Variants in CACNG4 observed in about 807,000 individuals in gnomAD.
CACNG4 encodes calcium voltage-gated channel auxiliary subunit gamma 4, also known as voltage-dependent calcium channel gamma-4 subunit.
In CACNG4, 8 loss-of-function variants were observed where a neutral mutation model predicts 22.9. The ratio of observed to expected loss-of-function variants is 0.35; its 90% CI spans 0.21 to 0.63. The LOEUF (loss-of-function observed/expected upper bound fraction) is 0.63, where lower values mean the gene tolerates loss of function less well. Ranked by LOEUF, CACNG4 falls within the 30% of genes least tolerant of loss-of-function variation. The pLI, the probability that CACNG4 is intolerant of heterozygous loss-of-function variation, is 0.72. For missense variants in CACNG4, 357 were observed against 455.4 expected, an observed-to-expected ratio of 0.78 and a Z score of 1.97; for synonymous variants, 188 against 191.9, an observed-to-expected ratio of 0.98 and a Z score of 0.17.
At chr17:67,009,365 CCT>C (rs150298497) in intron 1 of CACNG4, among the ~76,000 whole-genome samples, 14,646 of 152,166 alleles carry the variant, frequency 0.096, 1,257 homozygotes, top group East Asian at 0.23. Context: ...GCCTCCAGTC[CCT>C]CTTCTGAAAC....
intron 1 of CACNG4, among the ~76,000 whole-genome samples, chr17:66,974,057 T>C (rs1188964890): frequency 2.0e-5 from 3 of 152,186 alleles, no homozygotes; most frequent in African/African-American, 7.2e-5. Flanking sequence ...TTCTTCCCCC[T>C]TCAACCATAA....
chr17:67,028,800 C>T (rs989079025), intron 3 of CACNG4, among the ~76,000 whole-genome samples: 1 of 152,186 alleles, frequency 6.6e-6, no homozygotes, highest in Non-Finnish European at 1.5e-5. Context: ...CAAACCCCAC[C>T]AGTGTGGCTC....
At chr17:66,974,207 G>A (rs563793620) in intron 1 of CACNG4, among the ~76,000 whole-genome samples, 24 of 152,332 alleles carry the variant, frequency 1.6e-4, no homozygotes, top group African/African-American at 5.8e-4. Flanking sequence ...GGCCGAGGCA[G>A]GCCACAGCTT....
chr17:67,022,192 A>G (rs1320187154), intron 2 of CACNG4, among the ~76,000 whole-genome samples: 1 of 151,054 alleles, frequency 6.6e-6, no homozygotes, highest in Non-Finnish European at 1.5e-5. Flanking sequence ...CTTGTGCCTC[A>G]GCCTCCTGAA....
At chr17:67,001,465 C>T (rs1439700831) in intron 1 of CACNG4, among the ~76,000 whole-genome samples, 6 of 152,126 alleles carry the variant, frequency 3.9e-5, no homozygotes, top group African/African-American at 9.7e-5. Flanking sequence ...CTGCCGTAGC[C>T]GCTGCATCTT....
At chr17:66,970,626 G>C (rs999553336) in intron 1 of CACNG4, among the ~76,000 whole-genome samples, 1 of 152,156 alleles carries the variant, frequency 6.6e-6, no homozygotes, top group Non-Finnish European at 1.5e-5. Flanking sequence ...TGGAGAGAGA[G>C]GGCACCAGTT....
At chr17:66,999,043 G>A (rs191248522) in intron 1 of CACNG4, among the ~76,000 whole-genome samples, 19 of 152,286 alleles carry the variant, frequency 1.2e-4, no homozygotes, top group Admixed American at 9.8e-4. Context: ...GGCTCTGAAG[G>A]ATGATGGCTT....
chr17:67,021,465 G>A (rs565835560), intron 2 of CACNG4, among the ~76,000 whole-genome samples: 34 of 152,334 alleles, frequency 2.2e-4, no homozygotes, highest in African/African-American at 7.7e-4. Flanking sequence ...AAGGAACTCC[G>A]CCCCGAGCCA....
At chr17:66,977,140 C>T (rs1000666683) in intron 1 of CACNG4, among the ~76,000 whole-genome samples, 5 of 152,200 alleles carry the variant, frequency 3.3e-5, no homozygotes, top group Non-Finnish European at 7.3e-5. Flanking sequence ...CCTGGATGCC[C>T]GCTGTAGAGT....
At chr17:67,001,141 A>G (rs1186164181) in intron 1 of CACNG4, among the ~76,000 whole-genome samples, 3 of 152,094 alleles carry the variant, frequency 2.0e-5, no homozygotes, top group Non-Finnish European at 4.4e-5. Context: ...GTTCCCCTGC[A>G]CACACTCTCT....
At chr17:66,987,054 A>T (rs1170997742) in intron 1 of CACNG4, among the ~76,000 whole-genome samples, 1 of 152,204 alleles carries the variant, frequency 6.6e-6, no homozygotes, top group Non-Finnish European at 1.5e-5. Context: ...AAAAGACAGC[A>T]GATTCGTGGT....
chr17:66,976,351 C>G (rs2035235986), intron 1 of CACNG4, among the ~76,000 whole-genome samples: 1 of 149,976 alleles, frequency 6.7e-6, no homozygotes, highest in African/African-American at 2.5e-5. Flanking sequence ...TTCCTCCTGT[C>G]GTCCTCCCCT....
intron 1 of CACNG4, among the ~76,000 whole-genome samples, chr17:67,016,111 C>T (rs550691896): frequency 6.6e-6 from 1 of 152,148 alleles, no homozygotes; most frequent in Admixed American, 6.5e-5. Context: ...CAGCAGCAAC[C>T]CCCCAACTCT....
chr17:66,998,432 G>A (rs2035388092), intron 1 of CACNG4, among the ~76,000 whole-genome samples: 1 of 152,088 alleles, frequency 6.6e-6, no homozygotes, highest in African/African-American at 2.4e-5. Flanking sequence ...TCAAACTCCT[G>A]AACTCAAGCA....
At chr17:66,973,965 T>C (rs1567749295) in intron 1 of CACNG4, among the ~76,000 whole-genome samples, 3 of 152,228 alleles carry the variant, frequency 2.0e-5, no homozygotes, top group Admixed American at 1.3e-4. Context: ...AAGGACTTTT[T>C]TTCTAGCATT....
In CACNG4 at chr17:67,026,935, G is replaced by A. The variant is rs920044058; in HGVS notation, c.445+1935G>A. Among the ~76,000 whole-genome samples, 11 of 145,820 alleles carry A rather than the reference G, an allele frequency of 7.5e-5. No homozygotes were observed. The East Asian group carries it at 1.8e-3, about 24-fold the overall frequency. Reference sequence around the variant, plus strand: ...TCTCCTGCCCCAGTGCCCGCCACCTGCTCCTTGAAGCAGTCATTTTTCAAA... The same window carrying A: ...TCTCCTGCCCCAGTGCCCGCCACCTACTCCTTGAAGCAGTCATTTTTCAAA... On this transcript the variant is annotated intron_variant, in intron 3 of 3. Coordinates refer to ENST00000262138, the MANE Select transcript of CACNG4 (RefSeq NM_014405.4).
At chr17:67,011,857 G>A (rs1256540989) in intron 1 of CACNG4, among the ~76,000 whole-genome samples, 1 of 151,976 alleles carries the variant, frequency 6.6e-6, no homozygotes, top group African/African-American at 2.4e-5. Flanking sequence ...GGGGAGTTGT[G>A]CTGCTGGGCC....
At chr17:67,005,987 T>C (rs1054846837) in intron 1 of CACNG4, among the ~76,000 whole-genome samples, 7 of 152,184 alleles carry the variant, frequency 4.6e-5, no homozygotes, top group Non-Finnish European at 1.0e-4. Flanking sequence ...TGAGGCAGGC[T>C]GAGTCCAAGG....
chr17:67,000,105 A>G (rs3785587), intron 1 of CACNG4, among the ~76,000 whole-genome samples: 23,806 of 152,118 alleles, frequency 0.16, 4,420 homozygotes, highest in African/African-American at 0.44. Flanking sequence ...GCTTCCACGC[A>G]GCCTTCCCCA....
Sources: gnomAD v4.1 joint callset for allele counts (sites outside exome capture counted in the v4.1 genomes callset) on GRCh38, gnomAD v4.1.1 for gene constraint, MANE v1.5 for transcripts, NCBI Gene and HGNC (gene_info 2026-07-23, HGNC 2026-07-21) for gene names.